The following LTBP1 variants were observed in gnomAD, a reference collection of about 807,000 sequenced individuals.
LTBP1 encodes latent-transforming growth factor beta-binding protein 1.
A neutral mutation model predicts 207.6 loss-of-function variants in LTBP1; 129 were observed. The ratio of observed to expected loss-of-function variants is 0.62; its 90% CI spans 0.54 to 0.72. LTBP1 has a LOEUF of 0.72. LTBP1 is among the 30% of genes least tolerant of loss of function. LTBP1 has a pLI of 0.00. For missense variants in LTBP1, 2,281 were observed against 2,217.2 expected, an observed-to-expected ratio of 1.03 and a Z score of -0.58; for synonymous variants, 963 against 833.7, an observed-to-expected ratio of 1.16 and a Z score of -2.67.
intron 24 of LTBP1, among the ~76,000 whole-genome samples, chr2:33,318,705 CCTTTCACGCTA>C (rs747298707): frequency 2.0e-5 from 3 of 152,168 alleles, no homozygotes; most frequent in African/African-American, 4.8e-5. Context: ...CTGCCACCTT[CCTTTCACGCTA>C]TAGCCAGAGC....
chr2:33,063,133 A>G (rs752050698), intron 3 of LTBP1: 3 of 152,110 alleles, frequency 2.0e-5, no homozygotes, highest in African/African-American at 7.2e-5. Flanking sequence ...TAAGCCCTCA[A>G]TTTTGTTCTG....
At chr2:33,064,484 C>T (rs557158951) in intron 3 of LTBP1, among the ~76,000 whole-genome samples, 1 of 152,278 alleles carries the variant, frequency 6.6e-6, no homozygotes, top group East Asian at 1.9e-4. Flanking sequence ...ATTGGGTCTC[C>T]ACACTCCCTA....
intron 9 of LTBP1, among the ~76,000 whole-genome samples, chr2:33,227,952 G>A (rs1448116148): frequency 1.3e-5 from 2 of 151,604 alleles, no homozygotes; most frequent in Admixed American, 6.6e-5. Flanking sequence ...CTATAGGCGC[G>A]CACCACCATG....
At chr2:33,005,502 C>T (rs750890538) in intron 2 of LTBP1, among the ~76,000 whole-genome samples, 15 of 151,922 alleles carry the variant, frequency 9.9e-5, no homozygotes, top group Non-Finnish European at 1.9e-4. Context: ...GATGCCTGGG[C>T]TCTCAGGTCT....
chr2:33,050,859 G>A lies in LTBP1; in HGVS notation c.863+29653G>A, dbSNP rs1038438301. Reference sequence around the variant, plus strand: ...AGCGATTCTCCTGCCTCAGCCTCCTGAGTAGCTGGGATTACAGGCGGGCAT... The same window carrying A: ...AGCGATTCTCCTGCCTCAGCCTCCTAAGTAGCTGGGATTACAGGCGGGCAT... On this transcript the variant is annotated intron_variant, in intron 3 of 33. Coordinates refer to ENST00000404816, the MANE Select transcript of LTBP1 (RefSeq NM_206943.4). 7.2e-4 allele frequency among the ~76,000 whole-genome samples: 109 copies of A among 151,716 alleles called. 1 individual carries two copies. The highest frequency in any genetic ancestry group is 7.4e-5 in the Non-Finnish European group (5 of 67,960).
chr2:33,350,708 A>G (rs1272052674), intron 26 of LTBP1, among the ~76,000 whole-genome samples: 1 of 152,226 alleles, frequency 6.6e-6, no homozygotes, highest in Non-Finnish European at 1.5e-5. Flanking sequence ...AAAAATGTCC[A>G]TACCAGGCCA....
At chr2:33,141,129 C>T (rs1450106709) in intron 5 of LTBP1, among the ~76,000 whole-genome samples, 2 of 152,184 alleles carry the variant, frequency 1.3e-5, no homozygotes. Context: ...TCCGGCATTA[C>T]AAAAACAGTG....
chr2:33,339,934 C>T (rs147852483), intron 24 of LTBP1, among the ~76,000 whole-genome samples: 202 of 152,126 alleles, frequency 1.3e-3, no homozygotes, highest in African/African-American at 4.7e-3. Context: ...CATGAGCCAC[C>T]GCGCCGGGCT....
At chr2:33,039,539 A>G (rs1299047909) in intron 3 of LTBP1, among the ~76,000 whole-genome samples, 1 of 152,208 alleles carries the variant, frequency 6.6e-6, no homozygotes, top group Non-Finnish European at 1.5e-5. Context: ...CCTGCAGGGC[A>G]TTGCCAAATA....
intron 15 of LTBP1, among the ~76,000 whole-genome samples, chr2:33,263,618 G>A (rs751235210): frequency 5.3e-5 from 8 of 152,196 alleles, no homozygotes; most frequent in Non-Finnish European, 1.2e-4. Flanking sequence ...TTTGAAAAGA[G>A]TAGTTAATAT....
chr2:32,995,500 G>A (rs1213622797), intron 2 of LTBP1, among the ~76,000 whole-genome samples: 2 of 152,134 alleles, frequency 1.3e-5, no homozygotes, highest in Non-Finnish European at 2.9e-5. Context: ...CACATGATTT[G>A]GCCGGGCGCG....
intron 2 of LTBP1, among the ~76,000 whole-genome samples, chr2:33,009,490 A>G (rs192159256): frequency 6.6e-6 from 1 of 152,296 alleles, no homozygotes; most frequent in Admixed American, 6.5e-5. Context: ...AAAAGGGGAT[A>G]TTTCAGCATA....
At chr2:33,117,484 T>C (rs930257814) in intron 4 of LTBP1, among the ~76,000 whole-genome samples, 2 of 152,196 alleles carry the variant, frequency 1.3e-5, no homozygotes, top group Non-Finnish European at 1.5e-5. Context: ...ATTGTCTGGG[T>C]CTTCCTGGTT....
chr2:33,115,073 C>T (rs910159685), intron 4 of LTBP1, among the ~76,000 whole-genome samples: 13 of 145,240 alleles, frequency 9.0e-5, no homozygotes, highest in Middle Eastern at 3.5e-3. Context: ...CACACACACA[C>T]GTATACACAA....
chr2:33,037,862 T>C (rs529266680), intron 3 of LTBP1, among the ~76,000 whole-genome samples: 7 of 152,170 alleles, frequency 4.6e-5, no homozygotes, highest in Non-Finnish European at 1.0e-4. Flanking sequence ...GAGTTACAGG[T>C]GTGTGCCACC....
At chr2:33,211,178 CT>C (rs2090283369) in intron 7 of LTBP1, among the ~76,000 whole-genome samples, 2 of 152,252 alleles carry the variant, frequency 1.3e-5, no homozygotes, top group South Asian at 4.2e-4. Flanking sequence ...TAGTAGGTTC[CT>C]GACATGTGGC....
At chr2:33,383,965 A>C (rs2095244194) in intron 31 of LTBP1, among the ~76,000 whole-genome samples, 1 of 152,226 alleles carries the variant, frequency 6.6e-6, no homozygotes, top group Non-Finnish European at 1.5e-5. Flanking sequence ...CAACCTCTCT[A>C]CCATTTCTAA....
At chr2:33,304,658 C>T (rs987918211) in intron 22 of LTBP1, among the ~76,000 whole-genome samples, 1 of 152,138 alleles carries the variant, frequency 6.6e-6, no homozygotes, top group African/African-American at 2.4e-5. Context: ...GTGACTTGTT[C>T]CCTCCAAGCA....
chr2:32,948,829 A>C (rs554528264), intron 1 of LTBP1, 46 bp from the exon 2 acceptor site: 1 of 1,548,968 alleles, frequency 6.5e-7, no homozygotes, highest in East Asian at 2.2e-5. Context: ...GTTCTTGGGA[A>C]GGGGGTCTTT....
Sources: allele counts gnomAD v4.1 joint callset (sites outside exome capture counted in the v4.1 genomes callset), GRCh38; gene constraint gnomAD v4.1.1; transcripts MANE v1.5; gene names NCBI Gene and HGNC (gene_info 2026-07-23, HGNC 2026-07-21).